The following CD63 variants were observed in gnomAD, a reference collection of about 807,000 sequenced individuals.
CD63 encodes the protein CD63 antigen.
CD63 carries 16 observed loss-of-function variants against 29.2 expected under a neutral mutation model. That is an observed-to-expected ratio of 0.55 (90% CI 0.37 to 0.83). CD63 has a LOEUF of 0.83. CD63 is among the 40% of genes least tolerant of loss of function. The pLI, the probability that CD63 is intolerant of heterozygous loss-of-function variation, is 0.00. For synonymous variants in CD63, 118 were observed against 111.7 expected (o/e 1.06, Z -0.36); for missense variants, 251 against 297.3 (o/e 0.84, Z 1.15).
chr12:55,726,481 A>T (rs1344672765), intron 5 of CD63: 3 of 623,002 alleles, frequency 4.8e-6, no homozygotes, highest in Non-Finnish European at 8.4e-6. Context: ...AGTAGGTGGG[A>T]TTACAGGCAC....
At chr12:55,724,520 C>A (rs1256137568), downstream of CD63, 33 of 1,611,968 alleles carry the variant, frequency 2.0e-5, no homozygotes, top group Non-Finnish European at 2.8e-5. Flanking sequence ...TGGGTCCTTC[C>A]CAAGCCTGCC....
Position 55,725,914 on chromosome 12 carries a change from A to G in CD63, c.568-18T>C, listed in dbSNP as rs1296910805. 1 of 1,611,908 alleles carries G rather than the reference A, an allele frequency of 6.2e-7. No individual in the cohort carries two copies. Among genetic ancestry groups the G allele is most frequent in the Admixed American group, 1.7e-5 (1 of 59,788 alleles). On this transcript the variant is annotated intron_variant, in intron 6 of 7. Coordinates refer to ENST00000257857, the MANE Select transcript of CD63 (RefSeq NM_001780.6). Reference sequence around the variant, plus strand: ...ACACAGCCCTGAAGGTGGCAGGCACAAAGGACAAAAGCACCATCAGAAACT... The same window carrying G: ...ACACAGCCCTGAAGGTGGCAGGCACGAAGGACAAAAGCACCATCAGAAACT...
Position 55,725,816 on chromosome 12 carries a change from G to T in CD63, c.648C>A (p.Val216=). 6.2e-7 allele frequency: 1 copy of T among 1,613,718 alleles called. No homozygotes were observed. Among genetic ancestry groups the T allele is most frequent in the Non-Finnish European group, 8.5e-7 (1 of 1,179,812 alleles). The change falls in exon 7 of 8, where the codon GTC becomes GTA. Residue 216 remains valine, a synonymous_variant. Transcript: ENST00000257857. ...VAAAALGIAF[V]EVLGIVFACC... The stretch of plus-strand genomic sequence containing the variant: ...CCTGCTCAGGGTTATCTCTTACCTC[G>T]ACAAAAGCAATTCCAAGGGCTGCTG...
rs1320494584 is a variant in CD63 at position 55,726,141 on chromosome 12, C to G, written c.547G>C (p.Glu183Gln). 3.1e-6 allele frequency: 5 copies of G among 1,613,980 alleles called. No individual in the cohort carries two copies. In the South Asian group the frequency reaches 5.5e-5, roughly 18 times the overall value. The change falls in exon 6 of 8, where the codon GAG (glutamate) becomes CAG (glutamine). Residue 183 changes from glutamate (E) to glutamine (Q), a missense_variant. Glu to Gln is a conservative substitution (Grantham distance 29, BLOSUM62 2). Coordinates refer to ENST00000257857, the MANE Select transcript of CD63 (RefSeq NM_001780.6). ...CCTACCTCCTTATGGATCGCCTTCT[C>G]GTTGAAATTAATCCCACAGCCCACA... The part of the protein sequence containing the change: ...VTVGCGINFN[E>Q]KAIHKEGCVE...
At position 55,728,163 on chromosome 12, in the gene CD63, T is replaced by C; in HGVS notation, c.66+113A>G. 2.9e-6 allele frequency: 3 copies of C among 1,020,774 alleles called. No individual in the cohort carries two copies. Among genetic ancestry groups the C allele is most frequent in the Non-Finnish European group, 4.5e-6 (3 of 671,534 alleles). 63.2% of individuals were successfully genotyped at this position (1,020,774 alleles called of 1,614,324 possible). ...CTGCGCTGTCTTTCCCTGGCTTTCTTTCCACATCTGGTCTCCAGCTGCCTT... is the reference window on the plus strand; with the variant it reads ...CTGCGCTGTCTTTCCCTGGCTTTCTCTCCACATCTGGTCTCCAGCTGCCTT... On this transcript the variant is annotated intron_variant, in intron 2 of 7. Transcript: ENST00000257857. The surrounding 1 kb of genome is among the most constrained non-coding windows in gnomAD (Gnocchi z 4.8).
intron 6 of CD63, 90 bp downstream of exon 6, chr12:55,726,031 T>A: frequency 7.3e-7 from 1 of 1,362,492 alleles, no homozygotes; most frequent in East Asian, 3.2e-5. Flanking sequence ...CCCCTCCCCA[T>A]CCCTGACCCT....
chr12:55,726,439 G>A, intron 5 of CD63, 178 bp from the exon 6 acceptor site: 1 of 645,576 alleles, frequency 1.5e-6, no homozygotes, highest in Non-Finnish European at 2.6e-6. Flanking sequence ...CCGCCTCCCG[G>A]GTTCAAGCGA....
At position 55,725,479 on chromosome 12, in the gene CD63, T is replaced by A. The variant is rs1877197296; in HGVS notation, c.*82A>T. The A allele has an allele frequency of 2.6e-6, 3 of 1,147,348 alleles. No individual in the cohort carries two copies. The highest frequency in any genetic ancestry group is 4.0e-6 in the Non-Finnish European group (3 of 757,814). The allele number at this position is 1,147,348 out of a possible 1,614,324, so 71.1% of individuals were successfully genotyped here. A position where few individuals can be genotyped will look rare whatever the true frequency, so the allele number is the denominator to read the frequency against. On this transcript the variant is annotated 3_prime_UTR_variant, in exon 8 of 8. Coordinates refer to ENST00000257857, the MANE Select transcript of CD63 (RefSeq NM_001780.6). The stretch of plus-strand genomic sequence containing the variant: ...AAACTCAGACCATCTCTTTTCGGTC[T>A]GAAAAAATAATCCGTTTAATTGAAA...
chr12:55,725,200 G>A (rs1389736994), downstream of CD63: 1 of 316,342 alleles, frequency 3.2e-6, no homozygotes, highest in East Asian at 8.1e-5. Flanking sequence ...ACCTTTCTGG[G>A]GAGCTGCTTT....
chr12:55,724,557 C>A (rs886049675), downstream of CD63: 2 of 1,606,216 alleles, frequency 1.2e-6, no homozygotes, highest in Non-Finnish European at 1.7e-6. Context: ...TCCAGCCTTC[C>A]AGCAAGAGAT....
chr12:55,725,655 A>G, intron 7 of CD63, 29 bp from the exon 8 acceptor site: 2 of 1,606,968 alleles, frequency 1.2e-6, no homozygotes, highest in Non-Finnish European at 1.7e-6. Context: ...ACAGGGGTGG[A>G]GAGGAGTCAG....
Position 55,725,717 on chromosome 12 carries a change from G to A in CD63, c.652-91C>T, listed in dbSNP as rs1050689294. On this transcript the variant is annotated intron_variant, in intron 7 of 7. Transcript: ENST00000257857. The stretch of plus-strand genomic sequence containing the variant: ...AAGAGACTCCAAACACACACTCCCA[G>A]GCCAGTACCTCCTGTTCAGCACCCT... 5.9e-6 allele frequency: 9 copies of A among 1,513,836 alleles called. No individual in the cohort carries two copies. In the African/African-American group the frequency reaches 1.1e-4, roughly 18 times the overall value. 93.8% of individuals were successfully genotyped at this position (1,513,836 alleles called of 1,614,324 possible).
chr12:55,723,537 C>T (rs1052810922), downstream of CD63: 2 of 319,678 alleles, frequency 6.3e-6, no homozygotes, highest in Non-Finnish European at 6.1e-6. Context: ...CAGCTGCCTA[C>T]AAGCTGATAA....
At chr12:55,724,050 G>A (rs987261718), downstream of CD63, 26 of 1,608,664 alleles carry the variant, frequency 1.6e-5, no homozygotes, top group Non-Finnish European at 2.1e-5. Context: ...CTCACCAAGT[G>A]TGAGTAGCCA....
chr12:55,723,785 C>T (rs1420966482), downstream of CD63: 3 of 1,372,864 alleles, frequency 2.2e-6, no homozygotes, highest in Non-Finnish European at 3.1e-6. Context: ...AAACTCTTGT[C>T]CCTGGTCTGT....
chr12:55,727,610 A>G, intron 2 of CD63: 1 of 1,228,120 alleles, frequency 8.1e-7, no homozygotes, highest in East Asian at 3.7e-5. Context: ...CGTATTTCTG[A>G]CCTAGAATAA....
rs745476712 is a variant in CD63, at chr12:55,726,151, A to C, written c.537T>G (p.Ile179Met). The change falls in exon 6 of 8, where the codon ATT becomes ATG. Residue 179 changes from isoleucine to methionine, a missense_variant. Ile to Met is a conservative substitution (Grantham distance 10, BLOSUM62 1). Transcript: ENST00000257857. ...CCINVTVGCG[I>M]NFNEKAIHKE... Reference sequence around the variant, plus strand: ...TATGGATCGCCTTCTCGTTGAAATTAATCCCACAGCCCACAGTAACATTAA... The same window carrying C: ...TATGGATCGCCTTCTCGTTGAAATTCATCCCACAGCCCACAGTAACATTAA... 4 of 1,613,932 alleles carry C rather than the reference A, an allele frequency of 2.5e-6. No homozygotes were observed. The Admixed American group carries it at 6.7e-5, about 27-fold the overall frequency.
intron 7 of CD63, 76 bp downstream of exon 7, chr12:55,725,737 C>T (rs1449755237): frequency 3.9e-6 from 6 of 1,531,930 alleles, no homozygotes; most frequent in Non-Finnish European, 5.4e-6. Flanking sequence ...TCCTGTTCAG[C>T]ACCCTCCTCC....
rs985973960 is a variant in CD63 at position 55,725,504 on chromosome 12, A to G, written c.*57T>C. On this transcript the variant is annotated 3_prime_UTR_variant, in exon 8 of 8. Coordinates refer to ENST00000257857, the MANE Select transcript of CD63 (RefSeq NM_001780.6). ...TGAAAAAATAATCCGTTTAATTGAAAAACCTGGAGGATACTATTCCACTCC... is the reference window on the plus strand; with the variant it reads ...TGAAAAAATAATCCGTTTAATTGAAGAACCTGGAGGATACTATTCCACTCC... 3 of 1,376,658 alleles carry G rather than the reference A, an allele frequency of 2.2e-6. No homozygotes were observed. In the African/African-American group the frequency reaches 4.3e-5, roughly 20 times the overall value. 85.3% of individuals were successfully genotyped at this position (1,376,658 alleles called of 1,614,324 possible).
Sources: gnomAD v4.1 joint callset for allele counts on GRCh38, gnomAD v4.1.1 for gene constraint, Gnocchi (gnomAD v3.1) non-coding constraint, MANE v1.5 for transcripts, NCBI Gene and HGNC (gene_info 2026-07-23, HGNC 2026-07-21) for gene names.